LMO2: variants seen among roughly 807,000 people sequenced by gnomAD.
LMO2 encodes the protein LIM domain only 2.
LMO2 carries 20 observed loss-of-function variants against 23.2 expected under a neutral mutation model. The observed-to-expected ratio is 0.86, with a 90% CI of 0.61 to 1.25. The LOEUF (loss-of-function observed/expected upper bound fraction) is 1.25. Ranked by LOEUF, LMO2 falls within the 50% of genes most tolerant of loss-of-function variation. The pLI is 0.00. For missense variants in LMO2, 270 were observed against 315.3 expected, an observed-to-expected ratio of 0.86 and a Z score of 1.09; for synonymous variants, 123 against 130.2, an observed-to-expected ratio of 0.94 and a Z score of 0.38.
At position 33,858,667 on chromosome 11, in the gene LMO2, T is replaced by C; in HGVS notation, c.*689A>G. ...ATATAATCTAGGATAATAAAATAGT[T>C]GAACAACTTTTTAAGATTTATATTT... On this transcript the variant is annotated 3_prime_UTR_variant, in exon 6 of 6. Coordinates refer to ENST00000257818, the MANE Select transcript of LMO2 (RefSeq NM_005574.4). 1 of 192,260 alleles carries C rather than the reference T, an allele frequency of 5.2e-6. No individual in the cohort carries two copies. Among genetic ancestry groups the C allele is most frequent in the Non-Finnish European group, 1.1e-5 (1 of 91,988 alleles). The allele number at this position is 192,260 out of a possible 1,614,324, so 11.9% of individuals were successfully genotyped here.
Position 33,869,599 on chromosome 11 carries a change from AAGAG to A in LMO2, c.8-17_8-14del, listed in dbSNP as rs769004542. The A allele has an allele frequency of 6.2e-6, 8 of 1,281,940 alleles. No individual in the cohort carries two copies. The East Asian group carries it at 1.8e-4, about 29-fold the overall frequency. The allele number at this position is 1,281,940 out of a possible 1,614,324, so 79.4% of individuals were successfully genotyped here. ...GTCACCGCGCTCCCTTCAAACGCCA[AAGAG>A]AGAGAGCGAATCACCGGGCTGCGGG... On this transcript the variant is annotated splice_polypyrimidine_tract_variant and intron_variant, in intron 3 of 5. Coordinates refer to ENST00000257818, the MANE Select transcript of LMO2 (RefSeq NM_005574.4).
At chr11:33,875,072 C>T (rs1158366433) in intron 2 of LMO2, among the ~76,000 whole-genome samples, 1 of 152,244 alleles carries the variant, frequency 6.6e-6, no homozygotes, top group East Asian at 1.9e-4. Flanking sequence ...GCTCCCACTG[C>T]AGCAGTTCTG....
intron 1 of LMO2, among the ~76,000 whole-genome samples, chr11:33,888,638 G>A (rs1350016114): frequency 6.6e-6 from 1 of 152,060 alleles, no homozygotes; most frequent in African/African-American, 2.4e-5. Context: ...CTAATAACCC[G>A]GGCCAGCGCA....
chr11:33,870,222 A>T (rs2133700387), intron 2 of LMO2: 1 of 488,320 alleles, frequency 2.0e-6, no homozygotes, highest in South Asian at 8.7e-5. Flanking sequence ...CTGGGCAACC[A>T]CTAAATCATT....
At chr11:33,865,764 T>C (rs1856759620) in intron 4 of LMO2, among the ~76,000 whole-genome samples, 1 of 152,242 alleles carries the variant, frequency 6.6e-6, no homozygotes, top group African/African-American at 2.4e-5. Context: ...GCATCTCCTG[T>C]TCACTTTGCT....
At position 33,870,503 on chromosome 11, in the gene LMO2, G is replaced by GGGCTGCGGGCTCCA. The variant is rs1565029741; in HGVS notation, c.-271-517_-271-516insTGGAGCCCGCAGCC. ...CTGCGGGCTCCGGGCTGCGGGCTCC[G>GGGCTGCGGGCTCCA]GGCTGCGGCCGCGCTCTGCAGAGGC... On this transcript the variant is annotated intron_variant, in intron 2 of 5. Coordinates refer to ENST00000257818, the MANE Select transcript of LMO2 (RefSeq NM_005574.4). The GGGCTGCGGGCTCCA allele has an allele frequency of 7.7e-5, 76 of 987,752 alleles. 2 individuals carry two copies. The highest frequency in any genetic ancestry group is 1.8e-4 in the Admixed American group (3 of 16,294). 61.2% of individuals were successfully genotyped at this position (987,752 alleles called of 1,614,324 possible). A position where few individuals can be genotyped will look rare whatever the true frequency, so the allele number is the denominator to read the frequency against.
At chr11:33,862,854 G>A (rs1856634055) in intron 5 of LMO2, among the ~76,000 whole-genome samples, 1 of 152,072 alleles carries the variant, frequency 6.6e-6, no homozygotes. Flanking sequence ...CTAATGCAGA[G>A]TTAATTAACA....
chr11:33,875,024 G>A (rs1262443261), intron 2 of LMO2, among the ~76,000 whole-genome samples: 2 of 152,242 alleles, frequency 1.3e-5, no homozygotes, highest in Non-Finnish European at 2.9e-5. Context: ...AGCAGTAGGA[G>A]TTTGAAAGCA....
chr11:33,860,761 C>T (rs1222471309), intron 5 of LMO2, among the ~76,000 whole-genome samples: 5 of 152,040 alleles, frequency 3.3e-5, no homozygotes, highest in African/African-American at 9.7e-5. Flanking sequence ...CAGAGCCATA[C>T]CTTGACTCAA....
intron 5 of LMO2, among the ~76,000 whole-genome samples, chr11:33,859,906 G>C (rs1856507766): frequency 6.6e-6 from 1 of 152,140 alleles, no homozygotes; most frequent in African/African-American, 2.4e-5. Flanking sequence ...AAGGAGTTAG[G>C]CAAGTATTAC....
chr11:33,874,316 C>T (rs1050207178), intron 2 of LMO2, among the ~76,000 whole-genome samples: 1 of 152,146 alleles, frequency 6.6e-6, no homozygotes, highest in Non-Finnish European at 1.5e-5. Context: ...TTCAACCGAG[C>T]CTTAGGATGA....
In LMO2 at chr11:33,875,470, C is replaced by T. The variant is rs547556246; in HGVS notation, c.-271-5483G>A. On this transcript the variant is annotated intron_variant, in intron 2 of 5. Coordinates refer to ENST00000257818, the MANE Select transcript of LMO2 (RefSeq NM_005574.4). The stretch of plus-strand genomic sequence containing the variant: ...GCTGACGCCTGTAATCCCAGCTACC[C>T]GGGAGGCTGAGGCAGGAGAATTGCT... Among the ~76,000 whole-genome samples the T allele has an allele frequency of 9.4e-5, 14 of 149,706 alleles. 1 individual carries two copies. The highest frequency in any genetic ancestry group is 1.5e-4 in the Non-Finnish European group (10 of 67,696).
Position 33,859,260 on chromosome 11 carries a change from C to T in LMO2, c.*96G>A. On this transcript the variant is annotated 3_prime_UTR_variant, in exon 6 of 6. Transcript: ENST00000257818. ...TCCCCTAAGAAATCCCTTACCCCAC[C>T]CTCAAACCCCCAAAGTGCCTAAGAG... The T allele has an allele frequency of 1.2e-6, 1 of 856,568 alleles. No individual in the cohort carries two copies. 53.1% of individuals were successfully genotyped at this position (856,568 alleles called of 1,614,324 possible). A position where few individuals can be genotyped will look rare whatever the true frequency, so the allele number is the denominator to read the frequency against.
Position 33,864,801 on chromosome 11 carries a change from C to A in LMO2, c.265G>T (p.Val89Leu), listed in dbSNP as rs1242109122. Reference sequence around the variant, plus strand: ...AGCAGGGATGGGGGGATCTGCAGCACCTCATCCACTGGTTCCCTGGAGAGA... The same window carrying A: ...AGCAGGGATGGGGGGATCTGCAGCAACTCATCCACTGGTTCCCTGGAGAGA... ...LDPSEEPVDE[V>L]LQIPPSLLTC... Residue 89 changes from valine to leucine, a missense_variant, in exon 5 of 6, where the codon GTG becomes TTG. Physicochemically the swap from Val to Leu is conservative, Grantham distance 32. Around this residue, in one of 2 missense-constraint regions of LMO2, gnomAD observed 170 missense variants for 162.0 expected, o/e 1.05. Coordinates refer to ENST00000257818, the MANE Select transcript of LMO2 (RefSeq NM_005574.4). This position sits in a 1 kb window ranked among gnomAD's most constrained non-coding sequence, Gnocchi z 4.8. 3 of 1,613,740 alleles carry A rather than the reference C, an allele frequency of 1.9e-6. No individual in the cohort carries two copies. Among genetic ancestry groups the A allele is most frequent in the Admixed American group, 3.3e-5 (2 of 60,028 alleles).
At chr11:33,885,961 T>C (rs1323481832) in intron 1 of LMO2, among the ~76,000 whole-genome samples, 1 of 152,118 alleles carries the variant, frequency 6.6e-6, no homozygotes, top group Non-Finnish European at 1.5e-5. Flanking sequence ...TTGCAGCCTC[T>C]GCCTCCCAGG....
At chr11:33,868,625 C>A (rs180709144) in intron 4 of LMO2, among the ~76,000 whole-genome samples, 1 of 152,330 alleles carries the variant, frequency 6.6e-6, no homozygotes, top group Non-Finnish European at 1.5e-5. Flanking sequence ...TGACCCCAAA[C>A]CCTTTTAAGA....
intron 2 of LMO2, 71 bp downstream of exon 2, chr11:33,881,753 G>A: frequency 8.8e-6 from 2 of 227,398 alleles, no homozygotes; most frequent in Non-Finnish European, 1.8e-5. Flanking sequence ...CCCAGTTTCT[G>A]GCATGCAGGA....
intron 2 of LMO2, among the ~76,000 whole-genome samples, chr11:33,871,794 T>G (rs1422767723): frequency 3.9e-5 from 6 of 152,228 alleles, no homozygotes; most frequent in African/African-American, 1.4e-4. Flanking sequence ...CGCTGGAATT[T>G]TGGAACCCAA....
intron 1 of LMO2, among the ~76,000 whole-genome samples, 153 bp from the exon 2 acceptor site, chr11:33,882,040 G>C (rs529192791): frequency 4.6e-5 from 7 of 152,186 alleles, no homozygotes; most frequent in Non-Finnish European, 8.8e-5. Context: ...TCTGATAGCA[G>C]GCGGGTGTCC....
Sources: gnomAD v4.1 joint callset for allele counts (sites outside exome capture counted in the v4.1 genomes callset) on GRCh38, gnomAD v4.1.1 for gene constraint, gnomAD v4.1.1 regional missense constraint, Gnocchi (gnomAD v3.1) non-coding constraint, MANE v1.5 for transcripts, NCBI Gene and HGNC (gene_info 2026-07-23, HGNC 2026-07-21) for gene names.